MAPKBP1: variants seen among roughly 807,000 people sequenced by gnomAD.
MAPKBP1 encodes mitogen-activated protein kinase-binding protein 1.
A neutral mutation model predicts 170.5 loss-of-function variants in MAPKBP1; 71 were observed. The ratio of observed to expected loss-of-function variants is 0.42; its 90% CI spans 0.34 to 0.51. MAPKBP1 has a LOEUF of 0.51. MAPKBP1 is among the 20% of genes least tolerant of loss of function. The pLI, the probability that MAPKBP1 is intolerant of heterozygous loss-of-function variation, is 0.06. For synonymous variants in MAPKBP1, 719 were observed against 757.9 expected, an observed-to-expected ratio of 0.95 and a Z score of 0.84; for missense variants, 1,598 against 1,933.0, an observed-to-expected ratio of 0.83 and a Z score of 3.25.
At chr15:41,812,882 G>A in intron 7 of MAPKBP1, 37 bp from the exon 8 acceptor site, 1 of 1,560,160 alleles carries the variant, frequency 6.4e-7, no homozygotes, top group East Asian at 2.2e-5. Context: ...GCAGGCTCTG[G>A]GGTGGATGGG....
intron 2 of MAPKBP1, among the ~76,000 whole-genome samples, chr15:41,785,936 A>G (rs2064279206): frequency 6.6e-6 from 1 of 152,208 alleles, no homozygotes; most frequent in African/African-American, 2.4e-5. Flanking sequence ...GGTGTATCTA[A>G]TTGAATTTTT....
chr15:41,775,205 G>GA lies in MAPKBP1; in HGVS notation c.-69dup. 4 of 1,254,014 alleles carry GA rather than the reference G, an allele frequency of 3.2e-6. No homozygotes were observed. The South Asian group carries it at 4.9e-5, about 15-fold the overall frequency. 77.7% of individuals were successfully genotyped at this position (1,254,014 alleles called of 1,614,324 possible). A position where few individuals can be genotyped will look rare whatever the true frequency, so the allele number is the denominator to read the frequency against. On this transcript the variant is annotated 5_prime_UTR_variant, in exon 2 of 31. An upstream open reading frame in the 5' UTR loses its in-frame stop. Transcript: ENST00000457542. The stretch of plus-strand genomic sequence containing the variant: ...CATACTGGGAAGCCCTCTGGAGTGG[G>GA]AAGACAGTGCCGCTGTTGAGACAAG...
In MAPKBP1 at chr15:41,813,389, C is replaced by G. The variant is rs369292595; in HGVS notation, c.820-232C>G. On this transcript the variant is annotated intron_variant, in intron 8 of 30. Transcript: ENST00000457542. Reference sequence around the variant, plus strand: ...CCTTCCTCTCTTTCTCATGCTATTTCTTTCTCTTCACTGGGCTTTTCCTAC... The same window carrying G: ...CCTTCCTCTCTTTCTCATGCTATTTGTTTCTCTTCACTGGGCTTTTCCTAC... 7 of 1,520,544 alleles carry G rather than the reference C, an allele frequency of 4.6e-6. No individual in the cohort carries two copies. In the Admixed American group the frequency reaches 5.0e-5, roughly 11 times the overall value. The allele number at this position is 1,520,544 out of a possible 1,614,324, so 94.2% of individuals were successfully genotyped here.
At chr15:41,815,158 G>C in intron 10 of MAPKBP1, 101 bp from the exon 11 acceptor site, 1 of 1,432,656 alleles carries the variant, frequency 7.0e-7, no homozygotes, top group South Asian at 1.3e-5. Flanking sequence ...GCTAAGTCCT[G>C]GCCACCATTC....
At chr15:41,822,531 G>A in intron 26 of MAPKBP1, 62 bp from the exon 27 acceptor site, 1 of 1,608,262 alleles carries the variant, frequency 6.2e-7, no homozygotes, top group Non-Finnish European at 8.5e-7. Context: ...GTCTCAAGGA[G>A]GCAAAATCTG....
rs866853188 is a variant in MAPKBP1 at position 41,779,303 on chromosome 15, C to T, written c.114+3914C>T. ...TCGGCTCACTGCAAACTCTGCCTCCCGGGTTCAAGCGATTCTCCTGCCTCA... is the reference window on the plus strand; with the variant it reads ...TCGGCTCACTGCAAACTCTGCCTCCTGGGTTCAAGCGATTCTCCTGCCTCA... On this transcript the variant is annotated intron_variant, in intron 2 of 30. Coordinates refer to ENST00000457542, the MANE Select transcript of MAPKBP1 (RefSeq NM_014994.3). 2.6e-5 allele frequency among the ~76,000 whole-genome samples: 4 copies of T among 152,130 alleles called. No individual in the cohort carries two copies. The South Asian group carries it at 6.2e-4, about 24-fold the overall frequency.
Position 41,819,256 on chromosome 15 carries a change from C to G in MAPKBP1, c.2302C>G (p.Pro768Ala). 1 of 1,614,068 alleles carries G rather than the reference C, an allele frequency of 6.2e-7. No homozygotes were observed. Among genetic ancestry groups the G allele is most frequent in the Non-Finnish European group, 8.5e-7 (1 of 1,179,980 alleles). Reference protein sequence around the residue: ...RASGPNRHQAPSMLSPGPALS... With the variant: ...RASGPNRHQAASMLSPGPALS... ...TTGTCTCGGACTCAGGCACCAGGCC[C>G]CATCAATGCTGTCTCCTGGACCGGC... The change falls in exon 21 of 31, where the codon CCA becomes GCA. Residue 768 changes from proline to alanine, a missense_variant. Physicochemically the swap from Pro to Ala is conservative, Grantham distance 27. Transcript: ENST00000457542.
chr15:41,818,138 G>C lies in MAPKBP1; in HGVS notation c.1980+54G>C. On this transcript the variant is annotated intron_variant, in intron 17 of 30. Transcript: ENST00000457542. The surrounding 1 kb of genome is among the most constrained non-coding windows in gnomAD (Gnocchi z 5.2). ...GGGCTCGGGGACAGAGTGGTGCTGG[G>C]TGGGAGGGACTGGTACTTCCCATGT... is the stretch of plus-strand genomic sequence containing the variant. The C allele has an allele frequency of 6.2e-7, 1 of 1,610,218 alleles. No homozygotes were observed. The highest frequency in any genetic ancestry group is 8.5e-7 in the Non-Finnish European group (1 of 1,176,458).
At chr15:41,810,088 G>A (rs2064776320) in intron 3 of MAPKBP1, among the ~76,000 whole-genome samples, 1 of 152,166 alleles carries the variant, frequency 6.6e-6, no homozygotes, top group Non-Finnish European at 1.5e-5. Flanking sequence ...CTCTTGCCAG[G>A]TACACACGTG....
At position 41,822,632 on chromosome 15, in the gene MAPKBP1, G is replaced by C; in HGVS notation, c.3269G>C (p.Ser1090Thr). Residue 1090 changes from serine (S) to threonine (T), a missense_variant, in exon 27 of 31, where the codon AGT becomes ACT. Ser to Thr is a moderately conservative substitution (Grantham distance 58, BLOSUM62 1). This residue lies in a region of MAPKBP1 where 942 missense variants were observed against 953.2 expected (regional missense o/e 0.99). Transcript: ENST00000457542. ...GTCCCAGAGAGGTCAGAGTCTCGGA[G>C]TATCTCTTCACGATTCCTGTTGCAA... is the stretch of plus-strand genomic sequence containing the variant. ...VQVPERSESR[S>T]ISSRFLLQVQ... The C allele has an allele frequency of 6.2e-7, 1 of 1,614,106 alleles. No individual in the cohort carries two copies. The highest frequency in any genetic ancestry group is 1.1e-5 in the South Asian group (1 of 91,088).
chr15:41,777,290 C>T (rs1054133040), intron 2 of MAPKBP1, among the ~76,000 whole-genome samples: 6 of 149,180 alleles, frequency 4.0e-5, no homozygotes, highest in Admixed American at 2.0e-4. Flanking sequence ...GCAGTGAGCT[C>T]AGATCCTGCC....
At chr15:41,801,398 G>C (rs1386560630) in intron 3 of MAPKBP1, among the ~76,000 whole-genome samples, 2 of 152,166 alleles carry the variant, frequency 1.3e-5, no homozygotes, top group African/African-American at 4.8e-5. Context: ...ATAGGCACAG[G>C]AATGTGAAAA....
At chr15:41,803,328 C>T (rs1308902567) in intron 3 of MAPKBP1, among the ~76,000 whole-genome samples, 4 of 148,226 alleles carry the variant, frequency 2.7e-5, no homozygotes, top group East Asian at 2.1e-4. Flanking sequence ...CTGGGAGAAT[C>T]GCTTGAACCT....
At chr15:41,806,000 G>A (rs1367162891) in intron 3 of MAPKBP1, among the ~76,000 whole-genome samples, 1 of 152,206 alleles carries the variant, frequency 6.6e-6, no homozygotes, top group Non-Finnish European at 1.5e-5. Context: ...CTGCTACCCA[G>A]GAGGTTCCTT....
chr15:41,797,958 T>C (rs1425872511), intron 2 of MAPKBP1, among the ~76,000 whole-genome samples: 1 of 152,022 alleles, frequency 6.6e-6, no homozygotes, highest in Admixed American at 6.5e-5. Flanking sequence ...GATAAGAATT[T>C]AAACAGGTTC....
At chr15:41,776,003 A>G (rs542821034) in intron 2 of MAPKBP1, among the ~76,000 whole-genome samples, 25 of 152,214 alleles carry the variant, frequency 1.6e-4, no homozygotes, top group Non-Finnish European at 2.8e-4. Context: ...CTCATTCACT[A>G]TATGCCAAGA....
In MAPKBP1 at chr15:41,817,092, C is replaced by T; in HGVS notation, c.1711+57C>T. ...CACTCTCACCCCTGCTGCCATCTGC[C>T]TCCCACCTCCATGAGAAGGGTCTGC... is the stretch of plus-strand genomic sequence containing the variant. On this transcript the variant is annotated intron_variant, in intron 14 of 30. Transcript: ENST00000457542. This position sits in a 1 kb window ranked among gnomAD's most constrained non-coding sequence, Gnocchi z 4.2. 2.6e-6 allele frequency: 4 copies of T among 1,532,122 alleles called. No individual in the cohort carries two copies. The highest frequency in any genetic ancestry group is 8.8e-7 in the Non-Finnish European group (1 of 1,137,082). The allele number at this position is 1,532,122 out of a possible 1,614,324, so 94.9% of individuals were successfully genotyped here. A position where few individuals can be genotyped will look rare whatever the true frequency, so the allele number is the denominator to read the frequency against.
At chr15:41,822,486 A>G in intron 26 of MAPKBP1, 64 bp downstream of exon 26, 2 of 1,599,304 alleles carry the variant, frequency 1.3e-6, no homozygotes, top group South Asian at 1.1e-5. Context: ...TGCCTACCTG[A>G]GAGGAGGGTC....
chr15:41,819,138 G>T, intron 20 of MAPKBP1, 108 bp from the exon 21 acceptor site: 1 of 1,463,578 alleles, frequency 6.8e-7, no homozygotes, highest in South Asian at 1.3e-5. Flanking sequence ...TCCCCCTATT[G>T]AGTCTCATCT....
Sources: gnomAD v4.1 joint callset for allele counts (sites outside exome capture counted in the v4.1 genomes callset) on GRCh38, gnomAD v4.1.1 for gene constraint, gnomAD v4.1.1 regional missense constraint, Gnocchi (gnomAD v3.1) non-coding constraint, MANE v1.5 for transcripts, NCBI Gene and HGNC (gene_info 2026-07-23, HGNC 2026-07-21) for gene names.